The following SEZ6L variants were observed in gnomAD, a reference collection of about 807,000 sequenced individuals.
SEZ6L encodes seizure related 6 homolog like, also known as seizure 6-like protein.
In SEZ6L, 37 loss-of-function variants were observed where a neutral mutation model predicts 106.2. The observed-to-expected ratio is 0.35, with a 90% CI of 0.27 to 0.46. SEZ6L has a LOEUF of 0.46. Among genes scored for constraint, SEZ6L ranks in the 20% least tolerant of loss-of-function variants. SEZ6L has a pLI of 1.00. For synonymous variants in SEZ6L, 541 were observed against 570.4 expected (o/e 0.95, Z 0.73); for missense variants, 1,172 against 1,332.8 (o/e 0.88, Z 1.88).
At chr22:26,361,650 C>T (rs1417364940) in intron 12 of SEZ6L, among the ~76,000 whole-genome samples, 6 of 152,014 alleles carry the variant, frequency 3.9e-5, no homozygotes, top group Non-Finnish European at 7.4e-5. Flanking sequence ...ATCTCATGTG[C>T]GTGAGCTTGT....
rs139248080 is a variant in SEZ6L, at chr22:26,365,543, A to G, written c.2771A>G (p.Asn924Ser). ...ATCCTGGGACAGCCATCCCACTGGA[A>G]CGGGCCCCTGCCCGTGTGTAAAGGT... Reference protein sequence around the residue: ...RCILGQPSHWNGPLPVCKVNQ... With the variant: ...RCILGQPSHWSGPLPVCKVNQ... The change falls in exon 13 of 17, where the codon AAC (asparagine) becomes AGC (serine). Residue 924 changes from asparagine (N) to serine (S), a missense_variant. Asn to Ser is a conservative substitution (Grantham distance 46). Transcript: ENST00000248933. 6.2e-7 allele frequency: 1 copy of G among 1,613,978 alleles called. No individual in the cohort carries two copies. Among genetic ancestry groups the G allele is most frequent in the Non-Finnish European group, 8.5e-7 (1 of 1,179,908 alleles).
chr22:26,327,354 C>CCCCACACACACACCA (rs2082343102), intron 9 of SEZ6L, among the ~76,000 whole-genome samples: 1 of 44,862 alleles, frequency 2.2e-5, no homozygotes, highest in Non-Finnish European at 5.0e-5. Context: ...CACACACATG[C>CCCCACACACACACCA]CACACATGCC....
In SEZ6L at chr22:26,339,612, C is replaced by A. The variant is rs191578398; in HGVS notation, c.2016-824C>A. The stretch of plus-strand genomic sequence containing the variant: ...TTGAGCATATCTCATAAGTAAGGTG[C>A]CTCCATCCCACCTCTGCCCTACCCC... On this transcript the variant is annotated intron_variant, in intron 9 of 16. Coordinates refer to ENST00000248933, the MANE Select transcript of SEZ6L (RefSeq NM_021115.5). 3.3e-5 allele frequency among the ~76,000 whole-genome samples: 5 copies of A among 152,274 alleles called. No homozygotes were observed. The East Asian group carries it at 9.6e-4, about 29-fold the overall frequency.
chr22:26,230,845 G>A (rs2078776811), intron 1 of SEZ6L, among the ~76,000 whole-genome samples: 1 of 152,240 alleles, frequency 6.6e-6, no homozygotes, highest in South Asian at 2.1e-4. Flanking sequence ...GGAACCAAAA[G>A]GAGGCCAGAG....
chr22:26,227,171 C>G (rs1328962180), intron 1 of SEZ6L, among the ~76,000 whole-genome samples: 2 of 152,188 alleles, frequency 1.3e-5, no homozygotes, highest in Admixed American at 6.5e-5. Context: ...GAATGAGTGG[C>G]TGGAGAGAGC....
At chr22:26,248,496 C>G (rs1460939700) in intron 1 of SEZ6L, among the ~76,000 whole-genome samples, 1 of 152,098 alleles carries the variant, frequency 6.6e-6, no homozygotes, top group Admixed American at 6.6e-5. Flanking sequence ...CTGGGACCAC[C>G]ATGCCCAGCT....
chr22:26,256,266 G>A lies in SEZ6L; in HGVS notation c.95-36140G>A, dbSNP rs1032911270. On this transcript the variant is annotated intron_variant, in intron 1 of 16. Transcript: ENST00000248933. ...GTGCATGAAAGAATAAATAACAAAG[G>A]AATATGGGTACAAGGAGATAAGCTA... Among the ~76,000 whole-genome samples the A allele has an allele frequency of 3.9e-5, 6 of 152,288 alleles. No individual in the cohort carries two copies. The South Asian group carries it at 1.2e-3, about 32-fold the overall frequency.
intron 12 of SEZ6L, among the ~76,000 whole-genome samples, chr22:26,357,720 C>T (rs948426276): frequency 2.0e-5 from 3 of 152,146 alleles, no homozygotes; most frequent in African/African-American, 4.8e-5. Context: ...CCAGGAGGCT[C>T]GACAAATGAT....
chr22:26,228,783 C>T (rs1465505702), intron 1 of SEZ6L, among the ~76,000 whole-genome samples: 1 of 152,138 alleles, frequency 6.6e-6, no homozygotes, highest in African/African-American at 2.4e-5. Context: ...GGAAAAGAAA[C>T]TTCCACGAGG....
At chr22:26,328,146 G>A (rs1015734012) in intron 9 of SEZ6L, among the ~76,000 whole-genome samples, 2 of 152,152 alleles carry the variant, frequency 1.3e-5, no homozygotes, top group Admixed American at 6.5e-5. Flanking sequence ...TGGATTCTGC[G>A]ATTTGCATCT....
At chr22:26,212,042 G>A (rs143845865) in intron 1 of SEZ6L, among the ~76,000 whole-genome samples, 5 of 152,088 alleles carry the variant, frequency 3.3e-5, no homozygotes, top group Non-Finnish European at 7.4e-5. Context: ...AAAATGTGAC[G>A]GACAAGTGGA....
At chr22:26,242,725 A>G (rs961566839) in intron 1 of SEZ6L, 3 of 152,134 alleles carry the variant, frequency 2.0e-5, no homozygotes, top group African/African-American at 7.2e-5. Flanking sequence ...CTTGATGAAG[A>G]CTTGAAAAAT....
At chr22:26,298,491 C>T (rs763592510) in intron 4 of SEZ6L, among the ~76,000 whole-genome samples, 16 of 152,214 alleles carry the variant, frequency 1.1e-4, no homozygotes, top group Non-Finnish European at 2.2e-4. Flanking sequence ...GTTTTGTAAA[C>T]TCACATTAGT....
rs2081846978 is a variant in SEZ6L, at chr22:26,311,900, C to T, written c.1814C>T (p.Ala605Val). Residue 605 changes from alanine to valine, a missense_variant, in exon 8 of 17, where the codon GCC becomes GTC. Physicochemically the swap from Ala to Val is moderately conservative, Grantham distance 64 (BLOSUM62 0). This residue lies in a region of SEZ6L where 534 missense variants were observed against 691.0 expected (regional missense o/e 0.77). Transcript: ENST00000248933. ...DPGHSLEQGP[A>V]IIECINVRDP... ...GGCCACTCCCTGGAGCAGGGCCCGG[C>T]CATCATCGAATGCATCAATGTGCGG... 6.2e-7 allele frequency: 1 copy of T among 1,614,064 alleles called. No individual in the cohort carries two copies. Among genetic ancestry groups the T allele is most frequent in the Admixed American group, 1.7e-5 (1 of 60,006 alleles).
intron 3 of SEZ6L, among the ~76,000 whole-genome samples, chr22:26,295,961 C>G (rs1170029212): frequency 1.3e-5 from 2 of 151,934 alleles, no homozygotes; most frequent in African/African-American, 4.8e-5. Flanking sequence ...AGGAGTTCAT[C>G]AAAGAGAAAA....
intron 1 of SEZ6L, among the ~76,000 whole-genome samples, chr22:26,195,428 C>T (rs748591341): frequency 7.2e-5 from 11 of 151,986 alleles, no homozygotes; most frequent in African/African-American, 1.7e-4. Flanking sequence ...TTAGTCATTT[C>T]GAAAATGGGG....
Position 26,202,023 on chromosome 22 carries a change from C to T in SEZ6L, c.94+32260C>T, listed in dbSNP as rs530117039. The stretch of plus-strand genomic sequence containing the variant: ...CTGCCTCCCAGGTTCACGCCATTCT[C>T]CTGCCTCAGCCTCCCAAGTAGCTGG... On this transcript the variant is annotated intron_variant, in intron 1 of 16. Transcript: ENST00000248933. Among the ~76,000 whole-genome samples, 18 of 152,260 alleles carry T rather than the reference C, an allele frequency of 1.2e-4. No homozygotes were observed. In the South Asian group the frequency reaches 3.7e-3, roughly 32 times the overall value.
chr22:26,375,466 C>A, intron 14 of SEZ6L, 109 bp from the exon 15 acceptor site: 1 of 818,558 alleles, frequency 1.2e-6, no homozygotes, highest in Non-Finnish European at 2.1e-6. Flanking sequence ...CCTCCCAGAG[C>A]CTTAGACCTT....
chr22:26,190,973 T>G (rs960494558), intron 1 of SEZ6L, among the ~76,000 whole-genome samples: 1 of 152,156 alleles, frequency 6.6e-6, no homozygotes, highest in Non-Finnish European at 1.5e-5. Flanking sequence ...ACACTGCCAT[T>G]TACTACCTTA....
Sources: gnomAD v4.1 joint callset for allele counts (sites outside exome capture counted in the v4.1 genomes callset) on GRCh38, gnomAD v4.1.1 for gene constraint, gnomAD v4.1.1 regional missense constraint, MANE v1.5 for transcripts, NCBI Gene and HGNC (gene_info 2026-07-23, HGNC 2026-07-21) for gene names.